GOLGA3: variants seen among roughly 807,000 people sequenced by gnomAD.
GOLGA3 encodes the protein golgin subfamily A member 3.
Under a neutral mutation model 169.4 loss-of-function variants are expected in GOLGA3, and 75 were observed. The ratio of observed to expected loss-of-function variants is 0.44; its 90% confidence interval spans 0.37 to 0.54. The LOEUF (loss-of-function observed/expected upper bound fraction) is 0.54. Among genes scored for constraint, GOLGA3 ranks in the 20% least tolerant of loss-of-function variants. GOLGA3 has a pLI of 0.00. For missense variants in GOLGA3, 1,899 were observed against 1,930.0 expected (o/e 0.98, Z 0.30); for synonymous variants, 824 against 822.4 (o/e 1.00, Z -0.03).
At chr12:132,814,955 C>T (rs1418278028) in intron 3 of GOLGA3, among the ~76,000 whole-genome samples, 2 of 152,238 alleles carry the variant, frequency 1.3e-5, no homozygotes, top group Non-Finnish European at 2.9e-5. Context: ...CATCAGCAGA[C>T]ACCGCCCGAC....
chr12:132,821,624 G>A (rs958792476), intron 2 of GOLGA3, among the ~76,000 whole-genome samples: 4 of 152,000 alleles, frequency 2.6e-5, no homozygotes, highest in Non-Finnish European at 4.4e-5. Flanking sequence ...TGAGGCTGAG[G>A]CGGGCGGATC....
Position 132,772,866 on chromosome 12 carries a change from C to T in GOLGA3, c.*239G>A, listed in dbSNP as rs1376359920. On this transcript the variant is annotated 3_prime_UTR_variant, in exon 24 of 24. Coordinates refer to ENST00000450791, the MANE Select transcript of GOLGA3 (RefSeq NM_001389683.1). ...AGTAACCCTTCAGACACGTTCAAAG[C>T]TCCTCGCCGAGAGCCTATCAGGCTT... 1 of 442,990 alleles carries T rather than the reference C, an allele frequency of 2.3e-6. No homozygotes were observed. Among genetic ancestry groups the T allele is most frequent in the Non-Finnish European group, 4.1e-6 (1 of 246,040 alleles). The allele number at this position is 442,990 out of a possible 1,614,324, so 27.4% of individuals were successfully genotyped here.
intron 9 of GOLGA3, 109 bp from the exon 10 acceptor site, chr12:132,796,809 C>G: frequency 9.3e-7 from 1 of 1,080,574 alleles, no homozygotes; most frequent in African/African-American, 1.6e-5. Flanking sequence ...TGGGCCCCAT[C>G]CACCTCCTCA....
At position 132,780,901 on chromosome 12, in the gene GOLGA3, A is replaced by C; in HGVS notation, c.3479T>G (p.Leu1160Trp). 6.2e-7 allele frequency: 1 copy of C among 1,610,940 alleles called. No homozygotes were observed. Among genetic ancestry groups the C allele is most frequent in the Non-Finnish European group, 8.5e-7 (1 of 1,179,680 alleles). ...GCGATCCTCCTCTTCTTTGCGCTGC[A>C]AAACTGCCTGCACCTAGATCAGATT... The part of the protein sequence containing the change: ...VQLNLQVQAV[L>W]QRKEEEDRQM... The change falls in exon 18 of 24, where the codon TTG becomes TGG. Residue 1160 changes from leucine to tryptophan, a missense_variant. Leu to Trp is a moderately conservative substitution (Grantham distance 61, BLOSUM62 -2). Transcript: ENST00000450791.
intron 11 of GOLGA3, 144 bp downstream of exon 11, chr12:132,795,708 C>T (rs1027875180): frequency 1.2e-4 from 105 of 858,038 alleles, no homozygotes; most frequent in Admixed American, 3.9e-4. Context: ...TTGCAGTGAG[C>T]GCAGATCATC....
chr12:132,825,013 C>G (rs528730943), intron 1 of GOLGA3, among the ~76,000 whole-genome samples: 1 of 152,280 alleles, frequency 6.6e-6, no homozygotes, highest in South Asian at 2.1e-4. Context: ...AGATGAATTA[C>G]AAACTGGCAC....
intron 18 of GOLGA3, among the ~76,000 whole-genome samples, chr12:132,778,154 T>C (rs2045351539): frequency 6.6e-6 from 1 of 152,144 alleles, no homozygotes; most frequent in Non-Finnish European, 1.5e-5. Flanking sequence ...CAGGGCATGG[T>C]GGTCCCAGGT....
rs2046110342 is a variant in GOLGA3 at position 132,789,516 on chromosome 12, A to G, written c.2548-226T>C. 2.0e-5 allele frequency among the ~76,000 whole-genome samples: 3 copies of G among 152,234 alleles called. No homozygotes were observed. The South Asian group carries it at 6.2e-4, about 32-fold the overall frequency. On this transcript the variant is annotated intron_variant, in intron 12 of 23. Transcript: ENST00000450791. ...TGAGAGACTGCGTGGTGCACAAGGC[A>G]GTCACACCGGCCTCATAGACGTCTC... is the stretch of plus-strand genomic sequence containing the variant.
At position 132,796,654 on chromosome 12, in the gene GOLGA3, G is replaced by A. The variant is rs908981455; in HGVS notation, c.1985C>T (p.Ala662Val). 1.9e-6 allele frequency: 3 copies of A among 1,614,070 alleles called. No homozygotes were observed. The highest frequency in any genetic ancestry group is 2.2e-5 in the South Asian group (2 of 91,084). Residue 662 changes from alanine to valine, a missense_variant, in exon 10 of 24, where the codon GCA becomes GTA. Ala to Val is a moderately conservative substitution (Grantham distance 64). Coordinates refer to ENST00000450791, the MANE Select transcript of GOLGA3 (RefSeq NM_001389683.1). ...QEAAFMQIQEAKTMVEEDLQR... is the reference protein window; with the variant it reads ...QEAAFMQIQEVKTMVEEDLQR... ...AAGGTCCTCCTCCACCATCGTCTTT[G>A]CCTCCTGAATCTGCATGAAGGCTGC...
In GOLGA3 at chr12:132,796,679, C is replaced by T. The variant is rs778317449; in HGVS notation, c.1960G>A (p.Ala654Thr). 2 of 1,614,008 alleles carry T rather than the reference C, an allele frequency of 1.2e-6. No individual in the cohort carries two copies. Among genetic ancestry groups the T allele is most frequent in the East Asian group, 2.2e-5 (1 of 44,882 alleles). The part of the protein sequence containing the change: ...GIEADMLDQE[A>T]AFMQIQEAKT... Reference sequence around the variant, plus strand: ...GCCTCCTGAATCTGCATGAAGGCTGCTTCCTGATCCAACATGTCAGCCTGA... The same window carrying T: ...GCCTCCTGAATCTGCATGAAGGCTGTTTCCTGATCCAACATGTCAGCCTGA... The change falls in exon 10 of 24, where the codon GCA becomes ACA. Residue 654 changes from alanine (A) to threonine (T), a missense_variant. Coordinates refer to ENST00000450791, the MANE Select transcript of GOLGA3 (RefSeq NM_001389683.1).
intron 3 of GOLGA3, among the ~76,000 whole-genome samples, chr12:132,815,122 CATT>C (rs1449215562): frequency 6.6e-6 from 1 of 152,186 alleles, no homozygotes; most frequent in Non-Finnish European, 1.5e-5. Flanking sequence ...GTAAATGTAC[CATT>C]ATTAGTTTAT....
At chr12:132,825,852 C>G in intron 1 of GOLGA3, 3 of 987,856 alleles carry the variant, frequency 3.0e-6, no homozygotes, top group Non-Finnish European at 4.9e-6. Flanking sequence ...AAAGAGGCTA[C>G]TGAGGGCACC....
At chr12:132,811,318 C>A (rs1047965793) in intron 4 of GOLGA3, among the ~76,000 whole-genome samples, 2 of 152,072 alleles carry the variant, frequency 1.3e-5, no homozygotes, top group African/African-American at 4.8e-5. Context: ...CCTACATGCA[C>A]GCCCCTCAAC....
Position 132,796,534 on chromosome 12 carries a change from C to A in GOLGA3, c.2100+5G>T. 6.2e-7 allele frequency: 1 copy of A among 1,607,534 alleles called. No individual in the cohort carries two copies. On this transcript the variant is annotated splice_donor_5th_base_variant and intron_variant, in intron 10 of 23. Transcript: ENST00000450791. ...GGTCCAGCCTGAAGGGCTGCAGGGA[C>A]TTACCTGCTCCAGCTGCTGCTCCAG...
At position 132,773,246 on chromosome 12, in the gene GOLGA3, C is replaced by G; in HGVS notation, c.4356G>C (p.Thr1452=). 6.5e-7 allele frequency: 1 copy of G among 1,527,746 alleles called. No homozygotes were observed. The highest frequency in any genetic ancestry group is 8.8e-7 in the Non-Finnish European group (1 of 1,131,166). 94.6% of individuals were successfully genotyped at this position (1,527,746 alleles called of 1,614,324 possible). ...TCCACGAGGACAGAGACTCGTGCAC[C>G]GTCAGGGCGTGCTCCTCCATCTGGC... ...LQRQMEEHAL[T]VHESLSSWTP... is the part of the protein sequence containing the mutation. The change falls in exon 24 of 24, where the codon ACG becomes ACC. Residue 1452 remains threonine (T), a synonymous_variant. Coordinates refer to ENST00000450791, the MANE Select transcript of GOLGA3 (RefSeq NM_001389683.1).
At chr12:132,813,589 C>A (rs1377421305) in intron 3 of GOLGA3, among the ~76,000 whole-genome samples, 170 bp from the exon 4 acceptor site, 1 of 152,154 alleles carries the variant, frequency 6.6e-6, no homozygotes, top group Non-Finnish European at 1.5e-5. Context: ...GAACTGTGAG[C>A]CCCGGACACG....
intron 18 of GOLGA3, among the ~76,000 whole-genome samples, chr12:132,780,190 ACAC>A (rs1044570735): frequency 4.9e-5 from 7 of 142,104 alleles, no homozygotes; most frequent in East Asian, 2.2e-4. Context: ...GCGTGCACAC[ACAC>A]CACACCCCAG....
Position 132,804,753 on chromosome 12 carries a change from C to A in GOLGA3, c.1560G>T (p.Glu520Asp). ...EQYQRLMAKV[E>D]DMQRSMLSKD... ...TGCTGAGCATGCTCCTCTGCATGTC[C>A]TCTACCTTGGCCATAAGCCTCTGGT... The change falls in exon 7 of 24, where the codon GAG (glutamate) becomes GAT (aspartate). Residue 520 changes from glutamate (E) to aspartate (D), a missense_variant. Coordinates refer to ENST00000450791, the MANE Select transcript of GOLGA3 (RefSeq NM_001389683.1). This position sits in a 1 kb window ranked among gnomAD's most constrained non-coding sequence, Gnocchi z 4.1. 1 of 1,614,210 alleles carries A rather than the reference C, an allele frequency of 6.2e-7. No homozygotes were observed. The highest frequency in any genetic ancestry group is 1.1e-5 in the South Asian group (1 of 91,090).
intron 17 of GOLGA3, among the ~76,000 whole-genome samples, chr12:132,781,709 T>A (rs1014957731): frequency 6.6e-6 from 1 of 152,160 alleles, no homozygotes; most frequent in Non-Finnish European, 1.5e-5. Flanking sequence ...GCAGCTCGAT[T>A]TGGCCCCCAG....
Sources: gnomAD v4.1 joint callset for allele counts (sites outside exome capture counted in the v4.1 genomes callset) on GRCh38, gnomAD v4.1.1 for gene constraint, Gnocchi (gnomAD v3.1) non-coding constraint, MANE v1.5 for transcripts, NCBI Gene and HGNC (gene_info 2026-07-23, HGNC 2026-07-21) for gene names.